SUGP2: variants seen among roughly 807,000 people sequenced by gnomAD.
SUGP2 encodes the protein SURP and G-patch domain-containing protein 2.
SUGP2 carries 24 observed loss-of-function variants against 90.5 expected under a neutral mutation model. The ratio of observed to expected loss-of-function variants is 0.27; its 90% CI spans 0.19 to 0.37. The LOEUF (loss-of-function observed/expected upper bound fraction) is 0.37. Ranked by LOEUF, SUGP2 falls within the 10% of genes least tolerant of loss-of-function variation. The pLI, the probability that SUGP2 is intolerant of heterozygous loss-of-function variation, is 1.00. For missense variants in SUGP2, 1,233 were observed against 1,363.3 expected (o/e 0.90, Z 1.51); for synonymous variants, 473 against 513.4 (o/e 0.92, Z 1.06).
chr19:19,004,370 A>T lies in SUGP2; in HGVS notation c.2727T>A (p.Pro909=). The stretch of plus-strand genomic sequence containing the variant: ...TGCCCTCAGACTTGCCCGCCCCTCC[A>T]GGAGCGGGGGCCTCCTCTCCCCCAT... ...DEDGGEEAPA[P]GGAGKSEGST... The change falls in exon 7 of 11, where the codon CCT becomes CCA. Residue 909 remains proline, a synonymous_variant. Transcript: ENST00000452918. 1 of 1,613,796 alleles carries T rather than the reference A, an allele frequency of 6.2e-7. No homozygotes were observed. The highest frequency in any genetic ancestry group is 1.1e-5 in the South Asian group (1 of 91,066).
Position 19,024,626 on chromosome 19 carries a change from C to G in SUGP2, c.1722G>C (p.Leu574=). 6.2e-7 allele frequency: 1 copy of G among 1,610,380 alleles called. No homozygotes were observed. Among genetic ancestry groups the G allele is most frequent in the Non-Finnish European group, 8.5e-7 (1 of 1,177,892 alleles). Residue 574 remains leucine, a synonymous_variant, in exon 3 of 11, where the codon CTG becomes CTC. Coordinates refer to ENST00000452918, the MANE Select transcript of SUGP2 (RefSeq NM_001017392.5). ...PEIQAKAPSS[L]SDAVPQRADH... is the part of the protein sequence containing the mutation. The stretch of plus-strand genomic sequence containing the variant: ...TTTGGCTGATTTCCTTACCATCACT[C>G]AGACTACTTGGAGCCTTGGCCTGAA...
chr19:19,021,159 C>CAAAAA (rs386388689), intron 3 of SUGP2, among the ~76,000 whole-genome samples: 17 of 66,858 alleles, frequency 2.5e-4, no homozygotes, highest in African/African-American at 5.6e-4. Flanking sequence ...AATTCCATCT[C>CAAAAA]AAAAAAAAAA....
intron 7 of SUGP2, among the ~76,000 whole-genome samples, chr19:19,002,874 A>T (rs1267517646): frequency 6.6e-6 from 1 of 152,150 alleles, no homozygotes; most frequent in Admixed American, 6.6e-5. Flanking sequence ...GCAGAAATAA[A>T]AAACTCCACC....
chr19:19,024,487 G>T, intron 3 of SUGP2, 132 bp downstream of exon 3: 1 of 980,980 alleles, frequency 1.0e-6, no homozygotes, highest in Non-Finnish European at 1.5e-6. Context: ...ATTGGCCAAT[G>T]TGCGTTTTCT....
chr19:18,995,055 C>T (rs1162119138), intron 9 of SUGP2, 89 bp downstream of exon 9: 1 of 1,511,552 alleles, frequency 6.6e-7, no homozygotes, highest in Admixed American at 1.9e-5. Context: ...AGCTGTAAGC[C>T]ATCTTGGCTG....
At chr19:19,024,587 CAACA>C in intron 3 of SUGP2, 28 bp downstream of exon 3, 2 of 1,564,522 alleles carry the variant, frequency 1.3e-6, no homozygotes, top group African/African-American at 1.4e-5. Flanking sequence ...ACACGAAAAA[CAACA>C]AATAGAAACT....
At chr19:19,019,270 T>C (rs1489931366) in intron 3 of SUGP2, 41 bp from the exon 4 acceptor site, 3 of 1,588,812 alleles carry the variant, frequency 1.9e-6, no homozygotes, top group Non-Finnish European at 2.6e-6. Flanking sequence ...ATATGCTGAA[T>C]GTGGGCTCTG....
intron 8 of SUGP2, among the ~76,000 whole-genome samples, chr19:19,000,555 TTA>T: frequency 6.6e-6 from 1 of 152,284 alleles, no homozygotes; most frequent in African/African-American, 2.4e-5. Flanking sequence ...TTGTAAGTTT[TTA>T]TGTTTTATTT....
intron 7 of SUGP2, among the ~76,000 whole-genome samples, chr19:19,003,038 G>A (rs1271563272): frequency 1.3e-5 from 2 of 152,020 alleles, no homozygotes; most frequent in Non-Finnish European, 1.5e-5. Context: ...CAAGCTCCCG[G>A]GCTCAAGCGA....
chr19:19,024,970 T>C lies in SUGP2; in HGVS notation c.1378A>G (p.Ser460Gly). Residue 460 changes from serine (S) to glycine (G), a missense_variant, in exon 3 of 11, where the codon AGT becomes GGT. Ser to Gly is a moderately conservative substitution (Grantham distance 56). Transcript: ENST00000452918. ...YELSVKMKTL[S>G]NPLDLALALE... ...GCAAGAGCCAAGTCCAGGGGGTTAC[T>C]GAGGGTCTTCATCTTGACACTTAGC... 1 of 1,614,196 alleles carries C rather than the reference T, an allele frequency of 6.2e-7. No individual in the cohort carries two copies. The highest frequency in any genetic ancestry group is 8.5e-7 in the Non-Finnish European group (1 of 1,180,022).
In SUGP2 at chr19:19,024,826, C is replaced by A; in HGVS notation, c.1522G>T (p.Ala508Ser). 6.2e-7 allele frequency: 1 copy of A among 1,614,136 alleles called. No homozygotes were observed. The highest frequency in any genetic ancestry group is 1.1e-5 in the South Asian group (1 of 91,078). ...TTTGGAAACGCAGCAGGTGAGGGAG[C>A]TATATCTTGCAGGCCGACAGCTTCT... is the stretch of plus-strand genomic sequence containing the variant. ...ILEAVGLQDIAPSPAAFPNFE... is the reference protein window; with the variant it reads ...ILEAVGLQDISPSPAAFPNFE... The change falls in exon 3 of 11, where the codon GCT becomes TCT. Residue 508 changes from alanine to serine, a missense_variant. Transcript: ENST00000452918.
In SUGP2 at chr19:19,033,468, C is replaced by A; in HGVS notation, c.-43G>T. On this transcript the variant is annotated 5_prime_UTR_variant, in exon 1 of 11. Coordinates refer to ENST00000452918, the MANE Select transcript of SUGP2 (RefSeq NM_001017392.5). ...ACCACCGCGCGCGGAGCCACCCCCG[C>A]CGCCGCCTCAGGCTCCTCACCCGCC... is the stretch of plus-strand genomic sequence containing the variant. 1 of 1,403,700 alleles carries A rather than the reference C, an allele frequency of 7.1e-7. No homozygotes were observed. Among genetic ancestry groups the A allele is most frequent in the Non-Finnish European group, 9.3e-7 (1 of 1,078,614 alleles). The allele number at this position is 1,403,700 out of a possible 1,614,324, so 87.0% of individuals were successfully genotyped here.
chr19:19,016,662 C>T lies in SUGP2; in HGVS notation c.1850+2447G>A, dbSNP rs575982111. Among the ~76,000 whole-genome samples, 7 of 152,284 alleles carry T rather than the reference C, an allele frequency of 4.6e-5. No homozygotes were observed. In the East Asian group the frequency reaches 1.4e-3, roughly 29 times the overall value. ...ACTCTGCCTCTTACTAGTTGTGGAT[C>T]CTCAAGGCAAGAGGGCTCTTGGAGC... On this transcript the variant is annotated intron_variant, in intron 4 of 10. Transcript: ENST00000452918.
chr19:19,029,763 C>A (rs1395219629), intron 2 of SUGP2, among the ~76,000 whole-genome samples: 1 of 151,642 alleles, frequency 6.6e-6, no homozygotes, highest in African/African-American at 2.4e-5. Flanking sequence ...CATAGTGAAA[C>A]CCCATCTTTA....
chr19:19,023,074 C>T (rs2058789613), intron 3 of SUGP2, among the ~76,000 whole-genome samples: 2 of 152,188 alleles, frequency 1.3e-5, no homozygotes, highest in Admixed American at 6.5e-5. Context: ...TATTTCTCCT[C>T]CTTGGCCTTT....
chr19:19,020,431 CA>C (rs34971884), intron 3 of SUGP2, among the ~76,000 whole-genome samples: 98,013 of 120,404 alleles, frequency 0.81, 39,630 homozygotes, highest in East Asian at 0.87. Context: ...GACCCTGTCT[CA>C]AAAAAAAAAA....
At position 18,992,414 on chromosome 19, in the gene SUGP2, ATC is replaced by A. The variant is rs2057401727; in HGVS notation, c.*1325_*1326del. 1.5e-5 allele frequency: 2 copies of A among 131,242 alleles called. No homozygotes were observed. Among genetic ancestry groups the A allele is most frequent in the South Asian group, 5.0e-4 (2 of 3,968 alleles). The allele number at this position is 131,242 out of a possible 1,614,324, so 8.1% of individuals were successfully genotyped here. A position where few individuals can be genotyped will look rare whatever the true frequency, so the allele number is the denominator to read the frequency against. The stretch of plus-strand genomic sequence containing the variant: ...GCCCAGGCTGGAGTGGAGTGGCATG[ATC>A]TCAGCTCACTGCAACCTCTGCCTCC... On this transcript the variant is annotated 3_prime_UTR_variant, in exon 11 of 11. Transcript: ENST00000452918.
intron 8 of SUGP2, among the ~76,000 whole-genome samples, chr19:18,996,653 A>G (rs55771525): frequency 6.6e-6 from 1 of 152,112 alleles, no homozygotes; most frequent in Non-Finnish European, 1.5e-5. Context: ...CCTGGGTTCA[A>G]GCGATTCTCC....
intron 2 of SUGP2, among the ~76,000 whole-genome samples, chr19:19,030,673 C>G (rs1320062818): frequency 6.6e-6 from 1 of 152,190 alleles, no homozygotes; most frequent in African/African-American, 2.4e-5. Flanking sequence ...ATAATCCCAG[C>G]ACTCTGGGAG....
Sources: gnomAD v4.1 joint callset for allele counts (sites outside exome capture counted in the v4.1 genomes callset) on GRCh38, gnomAD v4.1.1 for gene constraint, MANE v1.5 for transcripts, NCBI Gene and HGNC (gene_info 2026-07-23, HGNC 2026-07-21) for gene names.